Variants in CYP3A4 observed in about 807,000 individuals in gnomAD.
CYP3A4 encodes the protein cytochrome P450 3A4.
Under a neutral mutation model 54.9 loss-of-function variants are expected in CYP3A4, and 41 were observed. That is an observed-to-expected ratio of 0.75 (90% CI 0.58 to 0.97). The LOEUF is 0.97. Ranked by LOEUF, CYP3A4 falls within the 50% of genes least tolerant of loss-of-function variation. The pLI, the probability that CYP3A4 is intolerant of heterozygous loss-of-function variation, is 0.00. For missense variants in CYP3A4, 510 were observed against 597.3 expected (o/e 0.85, Z 1.52); for synonymous variants, 179 against 205.2 (o/e 0.87, Z 1.09).
intron 1 of CYP3A4, among the ~76,000 whole-genome samples, chr7:99,782,303 CTG>C (rs1431254017): frequency 6.6e-6 from 1 of 152,170 alleles, no homozygotes; most frequent in African/African-American, 2.4e-5. Context: ...GCTGGGCAAA[CTG>C]TGTAGTTTCT....
In CYP3A4 at chr7:99,758,226, G is replaced by C. The variant is rs1343256949; in HGVS notation, c.1419C>G (p.Ile473Met). The C allele has an allele frequency of 1.9e-6, 3 of 1,613,588 alleles. No individual in the cohort carries two copies. The South Asian group carries it at 3.3e-5, about 18-fold the overall frequency. ...GTCCTCCTAAGCTTAATTTCAGGGG[G>C]ATCTGCAACAGTTAAACAAGCATAT... Reference protein sequence around the residue: ...FSFKPCKETQIPLKLSLGGLL... With the variant: ...FSFKPCKETQMPLKLSLGGLL... Residue 473 changes from isoleucine (I) to methionine (M), a missense_variant and splice_region_variant, in exon 13 of 13, where the codon ATC (isoleucine) becomes ATG (methionine). Ile to Met is a conservative substitution (Grantham distance 10, BLOSUM62 1). Around this residue, in one of 2 missense-constraint regions of CYP3A4, gnomAD observed 238 missense variants for 322.5 expected, o/e 0.74. Transcript: ENST00000651514.
intron 3 of CYP3A4, 123 bp downstream of exon 3, chr7:99,777,905 G>GT (rs1357864488): frequency 2.6e-6 from 2 of 777,960 alleles, no homozygotes; most frequent in African/African-American, 3.5e-5. Context: ...ACTTCTCTCT[G>GT]TTTGTAGTTA....
At position 99,761,475 on chromosome 7, in the gene CYP3A4, C is replaced by CCTTCTCT. The variant is rs1554435654; in HGVS notation, c.1254-495_1254-494insAGAGAAG. On this transcript the variant is annotated intron_variant, in intron 11 of 12. Transcript: ENST00000651514. ...CCTTCTCCTCCTTACCTTGTCTTCT[C>CCTTCTCT]CCTCCTTCTCCTCCTTCTTCTTCTC... 1.7e-4 allele frequency among the ~76,000 whole-genome samples: 26 copies of CCTTCTCT among 152,002 alleles called. No individual in the cohort carries two copies. The South Asian group carries it at 2.1e-3, about 12-fold the overall frequency.
intron 10 of CYP3A4, 104 bp downstream of exon 10, chr7:99,763,751 A>G (rs1176355643): frequency 7.1e-7 from 1 of 1,408,288 alleles, no homozygotes; most frequent in Admixed American, 2.2e-5. Context: ...CAGTGAAAGA[A>G]TCAGTGATTA....
intron 12 of CYP3A4, among the ~76,000 whole-genome samples, chr7:99,758,749 C>T (rs1373361058): frequency 1.3e-5 from 2 of 152,264 alleles, no homozygotes; most frequent in African/African-American, 4.8e-5. Flanking sequence ...TCTTCAACTT[C>T]CAGAGTCCAG....
In CYP3A4 at chr7:99,762,030, G is replaced by A. The variant is rs1584540347; in HGVS notation, c.1253+11C>T. On this transcript the variant is annotated intron_variant, in intron 11 of 12. Coordinates refer to ENST00000651514, the MANE Select transcript of CYP3A4 (RefSeq NM_017460.6). ...GGTTCAGGGAGGGCTCCCTTCCCAG[G>A]GGCCTTGTACCTTTCAGGGAGGAAC... is the stretch of plus-strand genomic sequence containing the variant. The A allele has an allele frequency of 6.2e-7, 1 of 1,613,602 alleles. No individual in the cohort carries two copies.
rs1272995704 is a variant in CYP3A4, at chr7:99,768,409, T to A, written c.615A>T (p.Glu205Asp). The A allele has an allele frequency of 6.2e-7, 1 of 1,614,074 alleles. No homozygotes were observed. The highest frequency in any genetic ancestry group is 8.5e-7 in the Non-Finnish European group (1 of 1,179,954). ...CAAATCTTAAAAGCTTCTTGGTGTT[T>A]TCCACAAAGGGGTCTTGTGGATTGT... is the stretch of plus-strand genomic sequence containing the variant. ...SLNNPQDPFV[E>D]NTKKLLRFDF... Residue 205 changes from glutamate to aspartate, a missense_variant, in exon 7 of 13, where the codon GAA becomes GAT. This residue lies in a region of CYP3A4 where 272 missense variants were observed against 274.9 expected (regional missense o/e 0.99). Transcript: ENST00000651514.
At chr7:99,772,141 C>T (rs189039981) in intron 4 of CYP3A4, among the ~76,000 whole-genome samples, 242 of 152,234 alleles carry the variant, frequency 1.6e-3, no homozygotes, top group African/African-American at 5.4e-3. Context: ...GAGAAAAAGA[C>T]TTGTGACTGT....
rs1815474659 is a variant in CYP3A4 at position 99,766,294 on chromosome 7, C to T, written c.865+83G>A. The T allele has an allele frequency of 2.0e-6, 3 of 1,511,258 alleles. No individual in the cohort carries two copies. The African/African-American group carries it at 4.1e-5, about 21-fold the overall frequency. The allele number at this position is 1,511,258 out of a possible 1,614,324, so 93.6% of individuals were successfully genotyped here. A position where few individuals can be genotyped will look rare whatever the true frequency, so the allele number is the denominator to read the frequency against. ...GCTATGTGGCAGAAATTCTCATCAT[C>T]CTGGAATACTTCCTGCACATTTTCA... On this transcript the variant is annotated intron_variant, in intron 9 of 12. Coordinates refer to ENST00000651514, the MANE Select transcript of CYP3A4 (RefSeq NM_017460.6).
intron 9 of CYP3A4, among the ~76,000 whole-genome samples, chr7:99,764,651 A>C (rs528092131): frequency 2.0e-5 from 3 of 152,320 alleles, no homozygotes; most frequent in East Asian, 3.9e-4. Flanking sequence ...CAAAATCTGA[A>C]CTTTCACAAG....
At chr7:99,758,865 C>A (rs953753612) in intron 12 of CYP3A4, among the ~76,000 whole-genome samples, 1 of 152,126 alleles carries the variant, frequency 6.6e-6, no homozygotes, top group Non-Finnish European at 1.5e-5. Context: ...AAGGGTAGTG[C>A]AAGTGGGGAA....
At chr7:99,779,636 G>A (rs977292275) in intron 2 of CYP3A4, among the ~76,000 whole-genome samples, 2 of 152,000 alleles carry the variant, frequency 1.3e-5, no homozygotes, top group African/African-American at 4.8e-5. Flanking sequence ...ACAATCAGGG[G>A]GTCCTTTTCC....
At chr7:99,762,295 A>C (rs1460483115) in intron 10 of CYP3A4, 28 bp from the exon 11 acceptor site, 1 of 1,611,074 alleles carries the variant, frequency 6.2e-7, no homozygotes, top group African/African-American at 1.3e-5. Flanking sequence ...GATTTGGATA[A>C]ATTGAGATTT....
chr7:99,768,420 G>T lies in CYP3A4; in HGVS notation c.604C>A (p.Pro202Thr). ...AGCTTCTTGGTGTTTTCCACAAAGG[G>T]GTCTTGTGGATTGTTGAGAGAGTCG... ...NIDSLNNPQD[P>T]FVENTKKLLR... Residue 202 changes from proline to threonine, a missense_variant, in exon 7 of 13, where the codon CCC becomes ACC. Transcript: ENST00000651514. 1 of 1,613,990 alleles carries T rather than the reference G, an allele frequency of 6.2e-7. No homozygotes were observed. The highest frequency in any genetic ancestry group is 8.5e-7 in the Non-Finnish European group (1 of 1,179,940).
chr7:99,777,518 G>A (rs1344273548), intron 3 of CYP3A4, among the ~76,000 whole-genome samples: 1 of 131,308 alleles, frequency 7.6e-6, no homozygotes, highest in Non-Finnish European at 1.7e-5. Context: ...GTGTGTGTGT[G>A]TAAAAACCCT....
intron 9 of CYP3A4, among the ~76,000 whole-genome samples, chr7:99,764,883 T>C (rs1168117246): frequency 6.6e-6 from 1 of 152,170 alleles, no homozygotes; most frequent in Non-Finnish European, 1.5e-5. Flanking sequence ...CCCCTCTTGA[T>C]TTTTCTCCTG....
chr7:99,777,368 C>T (rs1038900069), intron 3 of CYP3A4, among the ~76,000 whole-genome samples: 2 of 152,144 alleles, frequency 1.3e-5, no homozygotes, highest in Non-Finnish European at 1.5e-5. Flanking sequence ...CTAGTTCAGA[C>T]TGTAGAACTT....
chr7:99,783,704 G>T (rs989717545), intron 1 of CYP3A4, among the ~76,000 whole-genome samples: 2 of 151,310 alleles, frequency 1.3e-5, no homozygotes, highest in Non-Finnish European at 2.9e-5. Flanking sequence ...CGCCTGCCGG[G>T]TTCAAGCAAT....
chr7:99,768,436 G>C lies in CYP3A4; in HGVS notation c.588C>G (p.Leu196=). 6.2e-7 allele frequency: 1 copy of C among 1,613,998 alleles called. No homozygotes were observed. Among genetic ancestry groups the C allele is most frequent in the Non-Finnish European group, 8.5e-7 (1 of 1,179,918 alleles). Residue 196 remains leucine (L), a synonymous_variant, in exon 7 of 13, where the codon CTC becomes CTG. Transcript: ENST00000651514. ...CCACAAAGGGGTCTTGTGGATTGTT[G>C]AGAGAGTCGATGTTCACTCCAAATG... ...STSFGVNIDS[L]NNPQDPFVEN... is the part of the protein sequence containing the mutation.
Sources: allele counts gnomAD v4.1 joint callset (sites outside exome capture counted in the v4.1 genomes callset), GRCh38; gene constraint gnomAD v4.1.1; regional missense constraint gnomAD v4.1.1; transcripts MANE v1.5; gene names NCBI Gene and HGNC (gene_info 2026-07-23, HGNC 2026-07-21).